Variants in FHIT observed in about 807,000 individuals in gnomAD.
FHIT encodes fragile histidine triad diadenosine triphosphatase.
Under a neutral mutation model 17.9 loss-of-function variants are expected in FHIT, and 19 were observed. That is an observed-to-expected ratio of 1.06 (90% confidence interval 0.74 to 1.56). FHIT has a LOEUF of 1.56. FHIT is among the 40% of genes most tolerant of loss of function. FHIT has a pLI of 0.00. For synonymous variants in FHIT, 81 were observed against 69.7 expected (o/e 1.16, Z -0.81); for missense variants, 248 against 189.2 (o/e 1.31, Z -1.82).
At chr3:61,066,667 G>A (rs1039008101) in intron 2 of FHIT, among the ~76,000 whole-genome samples, 4 of 152,052 alleles carry the variant, frequency 2.6e-5, no homozygotes, top group Admixed American at 6.6e-5. Context: ...TTAATGAGCC[G>A]TTATGTCTGC....
intron 5 of FHIT, among the ~76,000 whole-genome samples, chr3:60,056,124 A>C (rs1354674939): frequency 6.6e-6 from 1 of 152,174 alleles, no homozygotes; most frequent in Non-Finnish European, 1.5e-5. Flanking sequence ...TGCAGTTTCC[A>C]TACATAGGGC....
chr3:61,085,265 T>A (rs955293709), intron 2 of FHIT, among the ~76,000 whole-genome samples: 6 of 152,290 alleles, frequency 3.9e-5, no homozygotes, highest in East Asian at 1.9e-4. Context: ...TCCTAATAGC[T>A]TTATTTAAAG....
chr3:60,627,308 AG>A (rs2039315986), intron 4 of FHIT, among the ~76,000 whole-genome samples: 2 of 152,118 alleles, frequency 1.3e-5, no homozygotes, highest in Non-Finnish European at 2.9e-5. Flanking sequence ...ATTTGTGGGT[AG>A]TTTTTTATTA....
At chr3:60,112,952 C>CTATG (rs1285217853) in intron 5 of FHIT, among the ~76,000 whole-genome samples, 3 of 152,204 alleles carry the variant, frequency 2.0e-5, no homozygotes, top group African/African-American at 7.2e-5. Flanking sequence ...CCATGGAATG[C>CTATG]TATGGGCTGA....
intron 5 of FHIT, among the ~76,000 whole-genome samples, chr3:60,396,087 C>T (rs1701428826): frequency 6.6e-6 from 1 of 152,114 alleles, no homozygotes; most frequent in Admixed American, 6.6e-5. Flanking sequence ...ACTTGCTACC[C>T]AGAACTACCC....
intron 7 of FHIT, among the ~76,000 whole-genome samples, chr3:59,957,838 A>G (rs1575765174): frequency 6.6e-6 from 1 of 152,250 alleles, no homozygotes; most frequent in Admixed American, 6.5e-5. Context: ...TCTTGGCTAT[A>G]CAACATGGAA....
At chr3:60,774,149 A>G (rs1158869355) in intron 4 of FHIT, among the ~76,000 whole-genome samples, 1 of 152,188 alleles carries the variant, frequency 6.6e-6, no homozygotes, top group Non-Finnish European at 1.5e-5. Flanking sequence ...TACTTAACAG[A>G]CTTGAGAACT....
intron 5 of FHIT, among the ~76,000 whole-genome samples, chr3:60,112,619 T>C (rs114180108): frequency 0.029 from 4,465 of 152,288 alleles, 219 homozygotes; most frequent in African/African-American, 0.1. Flanking sequence ...ACACATCTAA[T>C]TGGAGAAGAC....
At chr3:60,564,275 C>A (rs1408739366) in intron 4 of FHIT, among the ~76,000 whole-genome samples, 1 of 152,170 alleles carries the variant, frequency 6.6e-6, no homozygotes, top group East Asian at 1.9e-4. Context: ...AAAAAACATT[C>A]TTTTCCAAAT....
intron 2 of FHIT, among the ~76,000 whole-genome samples, chr3:61,139,665 T>G (rs1032133654): frequency 2.6e-5 from 4 of 152,150 alleles, no homozygotes; most frequent in Admixed American, 6.5e-5. Flanking sequence ...AGAGTATGCA[T>G]GTAATAGACG....
intron 3 of FHIT, among the ~76,000 whole-genome samples, chr3:60,826,825 A>G (rs1194960465): frequency 2.0e-5 from 3 of 152,190 alleles, no homozygotes; most frequent in African/African-American, 7.2e-5. Context: ...AGGGTACACC[A>G]TGGACATCTT....
At chr3:60,065,509 A>C (rs1015402460) in intron 5 of FHIT, among the ~76,000 whole-genome samples, 1 of 152,170 alleles carries the variant, frequency 6.6e-6, no homozygotes, top group Non-Finnish European at 1.5e-5. Context: ...TAAAGCTCTT[A>C]ATCATTATAA....
intron 7 of FHIT, among the ~76,000 whole-genome samples, chr3:59,978,447 T>C (rs1708507972): frequency 6.6e-6 from 1 of 152,004 alleles, no homozygotes; most frequent in Non-Finnish European, 1.5e-5. Flanking sequence ...TAATTAGTTA[T>C]ACCCATGATG....
chr3:60,702,286 T>C (rs1384787472), intron 4 of FHIT, among the ~76,000 whole-genome samples: 3 of 152,188 alleles, frequency 2.0e-5, no homozygotes, highest in Admixed American at 2.0e-4. Flanking sequence ...AACTTTATAT[T>C]ACATTTTAAT....
chr3:60,461,609 A>T (rs1246592214), intron 5 of FHIT, among the ~76,000 whole-genome samples: 1 of 152,204 alleles, frequency 6.6e-6, no homozygotes, highest in Non-Finnish European at 1.5e-5. Context: ...TCACCACTTG[A>T]AATTATTCCC....
At chr3:60,758,004 C>G (rs1181639548) in intron 4 of FHIT, among the ~76,000 whole-genome samples, 1 of 152,124 alleles carries the variant, frequency 6.6e-6, no homozygotes, top group Non-Finnish European at 1.5e-5. Flanking sequence ...CCAGGGCTCT[C>G]TAGCTTCCAG....
At chr3:60,922,326 T>C (rs1553768616) in intron 3 of FHIT, among the ~76,000 whole-genome samples, 6 of 152,204 alleles carry the variant, frequency 3.9e-5, no homozygotes. Flanking sequence ...GTTTAAACTC[T>C]ACAGTGTTCT....
At chr3:60,795,269 T>G (rs1700938101) in intron 4 of FHIT, among the ~76,000 whole-genome samples, 1 of 152,232 alleles carries the variant, frequency 6.6e-6, no homozygotes, top group Non-Finnish European at 1.5e-5. Context: ...TTCCTTGAAA[T>G]GCAAAATTAT....
chr3:60,700,723 C>G (rs565617718), intron 4 of FHIT, among the ~76,000 whole-genome samples: 2 of 152,244 alleles, frequency 1.3e-5, no homozygotes, highest in South Asian at 4.1e-4. Flanking sequence ...CTTTAACAAG[C>G]ATGGATATTA....
Sources: gnomAD v4.1 joint callset for allele counts (sites outside exome capture counted in the v4.1 genomes callset) on GRCh38, gnomAD v4.1.1 for gene constraint, MANE v1.5 for transcripts, NCBI Gene and HGNC (gene_info 2026-07-23, HGNC 2026-07-21) for gene names.